The following STK32A variants were observed in gnomAD, a reference collection of about 807,000 sequenced individuals.
The protein encoded by STK32A is serine/threonine-protein kinase 32A.
In STK32A, 41 loss-of-function variants were observed where a neutral mutation model predicts 53.2. That is an observed-to-expected ratio of 0.77 (90% CI 0.60 to 1.00). STK32A has a LOEUF of 1.00. Among genes scored for constraint, STK32A ranks in the 50% least tolerant of loss-of-function variants. The probability of loss-of-function intolerance (pLI) is 0.00; values close to 1 mark genes in which losing one functional copy is unlikely to be tolerated. For synonymous variants in STK32A, 166 were observed against 162.8 expected (o/e 1.02, Z -0.15); for missense variants, 458 against 485.8 (o/e 0.94, Z 0.54).
At chr5:147,296,633 T>G (rs1752881043) in intron 4 of STK32A, among the ~76,000 whole-genome samples, 1 of 152,278 alleles carries the variant, frequency 6.6e-6, no homozygotes, top group African/African-American at 2.4e-5. Flanking sequence ...CCTCCTGAGA[T>G]CTTATCAGGA....
chr5:147,324,358 A>T (rs1017453224), intron 5 of STK32A, among the ~76,000 whole-genome samples: 1 of 152,206 alleles, frequency 6.6e-6, no homozygotes, highest in Admixed American at 6.5e-5. Flanking sequence ...GACATATAGA[A>T]ACCTAATAAA....
intron 5 of STK32A, among the ~76,000 whole-genome samples, chr5:147,339,888 T>G (rs1755321672): frequency 6.6e-6 from 1 of 152,250 alleles, no homozygotes. Context: ...AACTTACTTT[T>G]GATTTTACAG....
chr5:147,246,626 A>G (rs1753774169), intron 2 of STK32A, among the ~76,000 whole-genome samples: 1 of 151,532 alleles, frequency 6.6e-6, no homozygotes, highest in African/African-American at 2.4e-5. Flanking sequence ...AATCGTATCT[A>G]CTCTTTATCT....
intron 5 of STK32A, among the ~76,000 whole-genome samples, chr5:147,333,820 A>T (rs1172530050): frequency 6.6e-6 from 1 of 152,328 alleles, no homozygotes; most frequent in Non-Finnish European, 1.5e-5. Flanking sequence ...ATTAAGAAAG[A>T]ACAATAATCT....
chr5:147,304,628 T>G (rs979907398), intron 4 of STK32A, among the ~76,000 whole-genome samples: 2 of 152,176 alleles, frequency 1.3e-5, no homozygotes, highest in African/African-American at 4.8e-5. Flanking sequence ...CTCTAATAGT[T>G]CTGGTAGAGG....
chr5:147,373,614 G>T (rs200382909), intron 10 of STK32A, among the ~76,000 whole-genome samples: 63 of 151,966 alleles, frequency 4.1e-4, no homozygotes, highest in Admixed American at 1.2e-3. Flanking sequence ...ATCTGCTGGG[G>T]TTTTTTTTAA....
chr5:147,316,852 T>C (rs1208679123), intron 4 of STK32A, among the ~76,000 whole-genome samples: 2 of 131,030 alleles, frequency 1.5e-5, no homozygotes, highest in Non-Finnish European at 3.2e-5. Context: ...AAGACCCTGT[T>C]TCTGGCGAAA....
At chr5:147,369,057 A>G (rs924038470) in intron 8 of STK32A, among the ~76,000 whole-genome samples, 11 of 152,166 alleles carry the variant, frequency 7.2e-5, no homozygotes, top group African/African-American at 2.4e-4. Flanking sequence ...TGGCTACTAA[A>G]TTACCAATAA....
intron 5 of STK32A, among the ~76,000 whole-genome samples, chr5:147,337,324 C>T (rs183519432): frequency 1.4e-4 from 21 of 152,256 alleles, no homozygotes; most frequent in Non-Finnish European, 2.2e-4. Flanking sequence ...AAATCATAGG[C>T]TCGTAACAGG....
At chr5:147,381,791 T>C (rs1213682835) in intron 11 of STK32A, among the ~76,000 whole-genome samples, 1 of 152,184 alleles carries the variant, frequency 6.6e-6, no homozygotes, top group Non-Finnish European at 1.5e-5. Flanking sequence ...TTCCTTTTTC[T>C]CTCTCTTCTC....
chr5:147,343,856 G>T (rs1490030590), intron 6 of STK32A, among the ~76,000 whole-genome samples: 1 of 152,172 alleles, frequency 6.6e-6, no homozygotes, highest in Non-Finnish European at 1.5e-5. Context: ...AAGTATATGT[G>T]TTATCTAGAT....
chr5:147,241,423 G>A (rs1456272396), intron 2 of STK32A, among the ~76,000 whole-genome samples: 4 of 152,120 alleles, frequency 2.6e-5, no homozygotes, highest in African/African-American at 7.2e-5. Flanking sequence ...AGCTTGCAGT[G>A]AGCCGAGAAC....
At position 147,373,285 on chromosome 5, in the gene STK32A, C is replaced by T. The variant is rs780204316; in HGVS notation, c.894C>T (p.Phe298=). 14 of 1,613,228 alleles carry T rather than the reference C, an allele frequency of 8.7e-6. No individual in the cohort carries two copies. The highest frequency in any genetic ancestry group is 1.7e-5 in the Admixed American group (1 of 59,904). The change falls in exon 10 of 13, where the codon TTC becomes TTT. Residue 298 remains phenylalanine (F), a synonymous_variant. Coordinates refer to ENST00000397936, the MANE Select transcript of STK32A (RefSeq NM_001112724.2). ...AVFQKRLIPG[F]IPNKGRLNCD... ...TTCAGAAGAGGCTCATTCCAGGTTT[C>T]ATTCCTAATGTGAGTCAATCCTAAC... is the stretch of plus-strand genomic sequence containing the variant.
chr5:147,284,276 A>C (rs1258214095), intron 4 of STK32A, among the ~76,000 whole-genome samples: 1 of 152,148 alleles, frequency 6.6e-6, no homozygotes, highest in Non-Finnish European at 1.5e-5. Context: ...ATAGGCCTTA[A>C]TGTAATAAAA....
chr5:147,288,753 C>G (rs1424777130), intron 4 of STK32A, among the ~76,000 whole-genome samples: 1 of 152,152 alleles, frequency 6.6e-6, no homozygotes, highest in African/African-American at 2.4e-5. Context: ...ATCCAATCAC[C>G]TCCCACCAGG....
chr5:147,253,111 A>T (rs957194806), intron 2 of STK32A, among the ~76,000 whole-genome samples: 1 of 152,228 alleles, frequency 6.6e-6, no homozygotes, highest in Non-Finnish European at 1.5e-5. Context: ...AATTTGCTTA[A>T]ATATACATAC....
At chr5:147,275,914 T>C (rs1286578117) in intron 2 of STK32A, among the ~76,000 whole-genome samples, 1 of 152,174 alleles carries the variant, frequency 6.6e-6, no homozygotes, top group Non-Finnish European at 1.5e-5. Context: ...AGGAGGTGGT[T>C]CACAAAATGG....
intron 10 of STK32A, 115 bp downstream of exon 10, chr5:147,373,409 A>G: frequency 1.4e-6 from 2 of 1,395,384 alleles, no homozygotes; most frequent in Non-Finnish European, 9.7e-7. Context: ...GAGAGCCCCA[A>G]TTCCCATTTT....
chr5:147,326,674 A>G (rs1052608995), intron 5 of STK32A, among the ~76,000 whole-genome samples: 2 of 152,210 alleles, frequency 1.3e-5, no homozygotes, highest in African/African-American at 2.4e-5. Context: ...AAATATTCAA[A>G]TATAGGACAT....
Sources: gnomAD v4.1 joint callset for allele counts (sites outside exome capture counted in the v4.1 genomes callset) on GRCh38, gnomAD v4.1.1 for gene constraint, MANE v1.5 for transcripts, NCBI Gene and HGNC (gene_info 2026-07-23, HGNC 2026-07-21) for gene names.